GPR158: variants seen among roughly 807,000 people sequenced by gnomAD.
GPR158 encodes G protein-coupled receptor 158, also known as metabotropic glycine receptor.
GPR158 carries 30 observed loss-of-function variants against 78.2 expected under a neutral mutation model. That is an observed-to-expected ratio of 0.38 (90% CI 0.29 to 0.52). The LOEUF (loss-of-function observed/expected upper bound fraction) is 0.52, where lower values mean the gene tolerates loss of function less well. Among genes scored for constraint, GPR158 ranks in the 20% least tolerant of loss-of-function variants. The pLI, the probability that GPR158 is intolerant of heterozygous loss-of-function variation, is 0.83. For missense variants in GPR158, 1,463 were observed against 1,523.5 expected (o/e 0.96, Z 0.66); for synonymous variants, 581 against 591.1 (o/e 0.98, Z 0.25).
At chr10:25,513,753 T>A (rs962649677) in intron 5 of GPR158, among the ~76,000 whole-genome samples, 3 of 152,290 alleles carry the variant, frequency 2.0e-5, no homozygotes, top group African/African-American at 7.2e-5. Context: ...TTTTAAAATT[T>A]TCATTTTGAT....
chr10:25,256,360 T>C (rs977141300), intron 2 of GPR158, among the ~76,000 whole-genome samples: 2 of 152,166 alleles, frequency 1.3e-5, no homozygotes, highest in African/African-American at 4.8e-5. Context: ...TCTTTAAAAA[T>C]AGTGTGCTTG....
intron 2 of GPR158, among the ~76,000 whole-genome samples, chr10:25,357,023 G>C (rs927760213): frequency 6.6e-6 from 1 of 152,072 alleles, no homozygotes; most frequent in Non-Finnish European, 1.5e-5. Flanking sequence ...CTCAAATGGA[G>C]ATGAGGAACT....
intron 4 of GPR158, among the ~76,000 whole-genome samples, chr10:25,421,003 G>T (rs1306683082): frequency 2.0e-5 from 3 of 152,090 alleles, no homozygotes; most frequent in Non-Finnish European, 4.4e-5. Flanking sequence ...CAAAACTATT[G>T]CTGGGATTTT....
At chr10:25,280,936 A>T (rs1237487688) in intron 2 of GPR158, among the ~76,000 whole-genome samples, 1 of 151,938 alleles carries the variant, frequency 6.6e-6, no homozygotes, top group Non-Finnish European at 1.5e-5. Flanking sequence ...GGAGTTGGAG[A>T]CCAGCCTGGC....
chr10:25,243,606 G>C (rs1853653619), intron 2 of GPR158, among the ~76,000 whole-genome samples: 2 of 152,120 alleles, frequency 1.3e-5, no homozygotes, highest in Non-Finnish European at 2.9e-5. Context: ...TTATCCCAAA[G>C]GAACATTCCC....
chr10:25,533,113 A>G lies in GPR158; in HGVS notation c.1405-17863A>G, dbSNP rs574780168. On this transcript the variant is annotated intron_variant, in intron 5 of 10. Transcript: ENST00000376351. ...AATGCTTTAGTGAATATTCTTGCAT[A>G]TATATTTCTGCTATTTCTTATGGAT... is the stretch of plus-strand genomic sequence containing the variant. Among the ~76,000 whole-genome samples the G allele has an allele frequency of 1.7e-4, 26 of 152,234 alleles. 1 individual carries two copies. In the South Asian group the frequency reaches 5.2e-3, roughly 30 times the overall value.
chr10:25,549,582 G>A (rs1836704281), intron 5 of GPR158, among the ~76,000 whole-genome samples: 1 of 152,052 alleles, frequency 6.6e-6, no homozygotes, highest in South Asian at 2.1e-4. Flanking sequence ...CTGTGTATGT[G>A]AAGTAATAAA....
chr10:25,205,464 AT>A (rs1040566686), intron 1 of GPR158, among the ~76,000 whole-genome samples: 3 of 149,046 alleles, frequency 2.0e-5, no homozygotes, highest in African/African-American at 7.4e-5. Context: ...GTCCCTTTTT[AT>A]TTTTCTTTTT....
rs113440741 is a variant in GPR158, at chr10:25,456,824, G to T, written c.1336-9827G>T. On this transcript the variant is annotated intron_variant, in intron 4 of 10. Transcript: ENST00000376351. ...TTTGAGTTTATCTCAGTGTAACAAAGAGTGATGCTTTGAAAGGGTAATCAA... is the reference window on the plus strand; with the variant it reads ...TTTGAGTTTATCTCAGTGTAACAAATAGTGATGCTTTGAAAGGGTAATCAA... Among the ~76,000 whole-genome samples, 461 of 152,176 alleles carry T rather than the reference G, an allele frequency of 3.0e-3. 1 individual carries two copies. Among genetic ancestry groups the T allele is most frequent in the Non-Finnish European group, 4.5e-3 (308 of 68,004 alleles).
At chr10:25,206,803 T>C (rs1853045258) in intron 1 of GPR158, among the ~76,000 whole-genome samples, 2 of 151,796 alleles carry the variant, frequency 1.3e-5, no homozygotes, top group Admixed American at 6.6e-5. Context: ...GAAGGTAGGG[T>C]GATTGACAGG....
At position 25,597,752 on chromosome 10, in the gene GPR158, A is replaced by G; in HGVS notation, c.2146-20A>G. ...AACACTAAATTCTACACTTCTTTGA[A>G]TTTGCTTTTGTTCTGGCAGGACGAG... On this transcript the variant is annotated intron_variant, in intron 10 of 10. Transcript: ENST00000376351. 6.7e-7 allele frequency: 1 copy of G among 1,489,694 alleles called. No homozygotes were observed. The highest frequency in any genetic ancestry group is 1.5e-5 in the South Asian group (1 of 66,520). 92.3% of individuals were successfully genotyped at this position (1,489,694 alleles called of 1,614,324 possible).
chr10:25,356,911 C>T (rs1296196612), intron 2 of GPR158, among the ~76,000 whole-genome samples: 1 of 151,968 alleles, frequency 6.6e-6, no homozygotes, highest in African/African-American at 2.4e-5. Flanking sequence ...CAGAAGAAGA[C>T]AGGAAAATGT....
chr10:25,293,714 G>A (rs1315582209), intron 2 of GPR158, among the ~76,000 whole-genome samples: 3 of 150,530 alleles, frequency 2.0e-5, no homozygotes, highest in Non-Finnish European at 2.9e-5. Context: ...ATTCTGGTTT[G>A]GGTATTTTAA....
At chr10:25,371,135 G>T (rs1189602593) in intron 2 of GPR158, among the ~76,000 whole-genome samples, 2 of 148,436 alleles carry the variant, frequency 1.3e-5, no homozygotes, top group Admixed American at 1.4e-4. Context: ...TTGCCAGTCT[G>T]TGTCTTTTAA....
intron 6 of GPR158, among the ~76,000 whole-genome samples, chr10:25,553,438 G>T (rs1379196392): frequency 6.6e-6 from 1 of 152,072 alleles, no homozygotes; most frequent in African/African-American, 2.4e-5. Flanking sequence ...CTTATCCTCT[G>T]TGAACCATAT....
intron 2 of GPR158, among the ~76,000 whole-genome samples, chr10:25,291,809 G>A (rs1196617577): frequency 1.3e-5 from 2 of 151,918 alleles, no homozygotes; most frequent in East Asian, 1.9e-4. Context: ...AAATGGAATA[G>A]CACAAATGAG....
At chr10:25,327,103 C>G (rs1855046507) in intron 2 of GPR158, among the ~76,000 whole-genome samples, 1 of 152,080 alleles carries the variant, frequency 6.6e-6, no homozygotes, top group Non-Finnish European at 1.5e-5. Flanking sequence ...TCTTAATTGT[C>G]AATTGCACCT....
chr10:25,234,595 T>C (rs772314335), intron 2 of GPR158, among the ~76,000 whole-genome samples: 1 of 152,214 alleles, frequency 6.6e-6, no homozygotes, highest in Non-Finnish European at 1.5e-5. Flanking sequence ...TATTGGGATT[T>C]TAAATCTAAA....
chr10:25,253,282 G>C (rs539949096), intron 2 of GPR158, among the ~76,000 whole-genome samples: 91 of 152,254 alleles, frequency 6.0e-4, no homozygotes, highest in African/African-American at 2.0e-3. Context: ...TTCTGCGTCG[G>C]TCACGCTGGG....
Sources: gnomAD v4.1 joint callset for allele counts (sites outside exome capture counted in the v4.1 genomes callset) on GRCh38, gnomAD v4.1.1 for gene constraint, MANE v1.5 for transcripts, NCBI Gene and HGNC (gene_info 2026-07-23, HGNC 2026-07-21) for gene names.